The following PKD1L1 variants were observed in gnomAD, a reference collection of about 807,000 sequenced individuals.
PKD1L1 encodes polycystin 1 like 1, transient receptor potential channel interacting.
In PKD1L1, 236 loss-of-function variants were observed where a neutral mutation model predicts 323.4. That is an observed-to-expected ratio of 0.73 (90% CI 0.66 to 0.81). The LOEUF (loss-of-function observed/expected upper bound fraction) is 0.81. Ranked by LOEUF, PKD1L1 falls within the 40% of genes least tolerant of loss-of-function variation. The probability of loss-of-function intolerance (pLI) is 0.00; values close to 1 mark genes in which losing one functional copy is unlikely to be tolerated. For missense variants in PKD1L1, 3,320 were observed against 3,508.0 expected (o/e 0.95, Z 1.35); for synonymous variants, 1,344 against 1,335.0 (o/e 1.01, Z -0.15).
chr7:47,843,397 T>A (rs1785603354), intron 33 of PKD1L1, among the ~76,000 whole-genome samples: 5 of 152,102 alleles, frequency 3.3e-5, no homozygotes, highest in African/African-American at 1.2e-4. Flanking sequence ...CAAAGAAACC[T>A]TGTAATGGAC....
chr7:47,911,774 C>T (rs570240579), intron 8 of PKD1L1, among the ~76,000 whole-genome samples: 21 of 152,090 alleles, frequency 1.4e-4, no homozygotes, highest in Middle Eastern at 3.4e-3. Flanking sequence ...AAACAGAAAA[C>T]GTCCTAAAGT....
chr7:47,943,590 C>CATCCAT (rs1260613726), intron 1 of PKD1L1, 79 bp from the exon 2 acceptor site: 21 of 1,095,436 alleles, frequency 1.9e-5, no homozygotes, highest in Non-Finnish European at 2.8e-5. Flanking sequence ...ACCACTCTTC[C>CATCCAT]ATCCATATCC....
At position 47,830,045 on chromosome 7, in the gene PKD1L1, G is replaced by A. The variant is rs768390122; in HGVS notation, c.6553C>T (p.Leu2185Phe). 5 of 1,614,142 alleles carry A rather than the reference G, an allele frequency of 3.1e-6. No individual in the cohort carries two copies. In the East Asian group the frequency reaches 8.9e-5, roughly 29 times the overall value. ...CCATGGAGGGTGTTTCTTACCATAAGTGGCTGGGTGATGAAAATACAGCAG... is the reference window on the plus strand; with the variant it reads ...CCATGGAGGGTGTTTCTTACCATAAATGGCTGGGTGATGAAAATACAGCAG... ...VVCCIFITQP[L>F]MVCLMALGFA... Residue 2185 changes from leucine to phenylalanine, a missense_variant, in exon 43 of 57, where the codon CTT becomes TTT. Transcript: ENST00000289672.
chr7:47,832,188 C>T (rs535810730), intron 41 of PKD1L1, among the ~76,000 whole-genome samples: 2 of 152,276 alleles, frequency 1.3e-5, no homozygotes, highest in East Asian at 1.9e-4. Context: ...GAGCTGTGGC[C>T]GGGACAGTGG....
chr7:47,778,245 C>G (rs151081268), intron 56 of PKD1L1, among the ~76,000 whole-genome samples: 214 of 152,146 alleles, frequency 1.4e-3, no homozygotes, highest in African/African-American at 4.7e-3. Context: ...CCAGGGCTGC[C>G]AAGGCAGGAG....
At chr7:47,780,644 T>C (rs1786671365) in intron 56 of PKD1L1, among the ~76,000 whole-genome samples, 1 of 152,010 alleles carries the variant, frequency 6.6e-6, no homozygotes, top group Admixed American at 6.6e-5. Flanking sequence ...AAAAAAGTTA[T>C]ATAAATAGAA....
At chr7:47,851,836 A>G (rs1364638859) in intron 31 of PKD1L1, among the ~76,000 whole-genome samples, 1 of 152,224 alleles carries the variant, frequency 6.6e-6, no homozygotes, top group African/African-American at 2.4e-5. Flanking sequence ...AAAGTCTGAA[A>G]AAAAGGCAAA....
At position 47,839,781 on chromosome 7, in the gene PKD1L1, T is replaced by C; in HGVS notation, c.5553-119A>G. 1.0e-6 allele frequency: 1 copy of C among 985,394 alleles called. No homozygotes were observed. Among genetic ancestry groups the C allele is most frequent in the South Asian group, 1.7e-5 (1 of 60,432 alleles). The allele number at this position is 985,394 out of a possible 1,614,324, so 61.0% of individuals were successfully genotyped here. A position where few individuals can be genotyped will look rare whatever the true frequency, so the allele number is the denominator to read the frequency against. On this transcript the variant is annotated intron_variant, in intron 35 of 56. Transcript: ENST00000289672. This position sits in a 1 kb window ranked among gnomAD's most constrained non-coding sequence, Gnocchi z 4.3. ...GCCCACAGAGGGTGGATGGGACATG[T>C]CAAAGGTGACTGACATGCAGAGTGA... is the stretch of plus-strand genomic sequence containing the variant.
At chr7:47,816,671 A>G (rs1200333984) in intron 46 of PKD1L1, among the ~76,000 whole-genome samples, 1 of 152,198 alleles carries the variant, frequency 6.6e-6, no homozygotes, top group Non-Finnish European at 1.5e-5. Flanking sequence ...AATAGTTCTC[A>G]GGAAAAGGAA....
chr7:47,926,271 T>C (rs1171519046), intron 7 of PKD1L1, among the ~76,000 whole-genome samples: 2 of 152,254 alleles, frequency 1.3e-5, no homozygotes, highest in Non-Finnish European at 1.5e-5. Flanking sequence ...CTCCCTTCTA[T>C]TGATTCCAGG....
At position 47,866,437 on chromosome 7, in the gene PKD1L1, T is replaced by A; in HGVS notation, c.4074A>T (p.Arg1358Ser). The A allele has an allele frequency of 1.2e-6, 2 of 1,613,568 alleles. No individual in the cohort carries two copies. The highest frequency in any genetic ancestry group is 2.2e-5 in the South Asian group (2 of 90,856). ...GCCATACCTGATCTACAAAAGCCAA[T>A]CTGCATACTGAAGAAATTAATGCAT... ...IQDALISSVCRLAFVDQEEMI... is the reference protein window; with the variant it reads ...IQDALISSVCSLAFVDQEEMI... Residue 1358 changes from arginine to serine, a missense_variant, in exon 25 of 57, where the codon AGA becomes AGT. Coordinates refer to ENST00000289672, the MANE Select transcript of PKD1L1 (RefSeq NM_138295.5).
At chr7:47,892,844 C>T (rs762618471) in intron 15 of PKD1L1, among the ~76,000 whole-genome samples, 3 of 151,402 alleles carry the variant, frequency 2.0e-5, no homozygotes, top group Non-Finnish European at 2.9e-5. Context: ...CACAATGTAC[C>T]GGGGGTAGGG....
intron 56 of PKD1L1, among the ~76,000 whole-genome samples, chr7:47,789,550 C>T (rs1371474930): frequency 1.3e-5 from 2 of 151,978 alleles, no homozygotes; most frequent in Non-Finnish European, 2.9e-5. Flanking sequence ...TTCTGTTTTG[C>T]TTAGTGTGTG....
intron 14 of PKD1L1, among the ~76,000 whole-genome samples, chr7:47,897,610 C>A (rs912181982): frequency 6.6e-6 from 1 of 152,222 alleles, no homozygotes; most frequent in Non-Finnish European, 1.5e-5. Context: ...ACCGTGAGTG[C>A]CTCTTGGATG....
At chr7:47,782,278 A>G (rs999308784) in intron 56 of PKD1L1, among the ~76,000 whole-genome samples, 4 of 152,204 alleles carry the variant, frequency 2.6e-5, no homozygotes, top group Non-Finnish European at 4.4e-5. Context: ...TCTAAACTTT[A>G]ATAATTACAT....
chr7:47,907,395 C>A (rs1054354697), intron 9 of PKD1L1, among the ~76,000 whole-genome samples: 1 of 151,828 alleles, frequency 6.6e-6, no homozygotes, highest in Non-Finnish European at 1.5e-5. Context: ...ACTCTTTTTT[C>A]TACGGTAAGT....
At chr7:47,880,299 T>TTC in intron 21 of PKD1L1, among the ~76,000 whole-genome samples, 1 of 118,198 alleles carries the variant, frequency 8.5e-6, no homozygotes, top group African/African-American at 3.8e-5. Context: ...TTTTTTTTTT[T>TTC]TTGAGACAGT....
intron 52 of PKD1L1, among the ~76,000 whole-genome samples, chr7:47,804,310 T>C (rs922017647): frequency 3.3e-5 from 5 of 152,204 alleles, no homozygotes; most frequent in Non-Finnish European, 4.4e-5. Flanking sequence ...AAGCTATGGG[T>C]AGAATTTTCT....
chr7:47,802,910 C>A (rs1413597512), intron 53 of PKD1L1, among the ~76,000 whole-genome samples: 1 of 152,186 alleles, frequency 6.6e-6, no homozygotes, highest in Non-Finnish European at 1.5e-5. Context: ...CCATTCCTGG[C>A]ACTTAGAGAA....
Sources: allele counts gnomAD v4.1 joint callset (sites outside exome capture counted in the v4.1 genomes callset), GRCh38; gene constraint gnomAD v4.1.1; non-coding constraint Gnocchi (gnomAD v3.1); transcripts MANE v1.5; gene names NCBI Gene and HGNC (gene_info 2026-07-23, HGNC 2026-07-21).